TOX: variants seen among roughly 807,000 people sequenced by gnomAD.
TOX encodes thymocyte selection associated high mobility group box.
Under a neutral mutation model 53.7 loss-of-function variants are expected in TOX, and 11 were observed. That is an observed-to-expected ratio of 0.20 (90% CI 0.13 to 0.34). TOX has a LOEUF of 0.34. TOX is among the 10% of genes least tolerant of loss of function. TOX has a pLI of 1.00. For missense variants in TOX, 570 were observed against 664.6 expected, an observed-to-expected ratio of 0.86 and a Z score of 1.56; for synonymous variants, 225 against 245.3, an observed-to-expected ratio of 0.92 and a Z score of 0.77.
intron 3 of TOX, among the ~76,000 whole-genome samples, chr8:58,890,394 T>C (rs1811542487): frequency 6.6e-6 from 1 of 152,160 alleles, no homozygotes; most frequent in Non-Finnish European, 1.5e-5. Context: ...AGTAGAATGT[T>C]AGAAAGCAGA....
At chr8:58,940,751 T>C (rs902584286) in intron 2 of TOX, among the ~76,000 whole-genome samples, 15 of 152,188 alleles carry the variant, frequency 9.9e-5, no homozygotes, top group Admixed American at 6.5e-4. Flanking sequence ...TCATATGGTG[T>C]CCAGCCAATA....
In TOX at chr8:58,887,409, C is replaced by T. The variant is rs574675152; in HGVS notation, c.412-35604G>A. On this transcript the variant is annotated intron_variant, in intron 3 of 8. Transcript: ENST00000361421. The stretch of plus-strand genomic sequence containing the variant: ...TATTTGCTGAAATTCTCCTCTAAAG[C>T]CATTTATACATGCTGCTGTTTTTAT... 2.1e-3 allele frequency among the ~76,000 whole-genome samples: 320 copies of T among 151,968 alleles called. 3 individuals carry two copies. The highest frequency in any genetic ancestry group is 3.7e-3 in the Non-Finnish European group (253 of 67,872).
chr8:58,940,629 G>T (rs918317664), intron 2 of TOX, among the ~76,000 whole-genome samples: 9 of 152,282 alleles, frequency 5.9e-5, no homozygotes, highest in African/African-American at 9.6e-5. Context: ...CATAGTGTTT[G>T]GGTGTATGGG....
chr8:58,964,309 T>C (rs965537469), intron 1 of TOX, among the ~76,000 whole-genome samples: 1 of 152,176 alleles, frequency 6.6e-6, no homozygotes, highest in African/African-American at 2.4e-5. Context: ...CGTATGTGTA[T>C]CAGAATAGGC....
intron 2 of TOX, among the ~76,000 whole-genome samples, chr8:58,951,172 A>C (rs959731417): frequency 1.3e-5 from 2 of 152,196 alleles, no homozygotes; most frequent in Non-Finnish European, 2.9e-5. Context: ...TAGACCTTCC[A>C]AGGTCAGAAT....
intron 1 of TOX, among the ~76,000 whole-genome samples, chr8:59,020,293 C>T (rs1235065820): frequency 2.0e-5 from 3 of 152,154 alleles, no homozygotes; most frequent in Non-Finnish European, 4.4e-5. Context: ...TGGTACAACC[C>T]CATCTTCCAA....
chr8:59,115,345 T>C lies in TOX; in HGVS notation c.102+3541A>G, dbSNP rs557883905. Among the ~76,000 whole-genome samples, 3 of 152,316 alleles carry C rather than the reference T, an allele frequency of 2.0e-5. No individual in the cohort carries two copies. The South Asian group carries it at 6.2e-4, about 32-fold the overall frequency. Reference sequence around the variant, plus strand: ...GAAAAAGTACCACTTCTTTGTCCTATCTTAGCATAAAACCAGTGAAAACAA... The same window carrying C: ...GAAAAAGTACCACTTCTTTGTCCTACCTTAGCATAAAACCAGTGAAAACAA... On this transcript the variant is annotated intron_variant, in intron 1 of 8. Transcript: ENST00000361421.
At chr8:59,072,945 T>C (rs1445761241) in intron 1 of TOX, among the ~76,000 whole-genome samples, 1 of 152,220 alleles carries the variant, frequency 6.6e-6, no homozygotes, top group Non-Finnish European at 1.5e-5. Context: ...TAACACTTGC[T>C]AAATGTAATG....
chr8:58,995,373 C>T (rs1393522915), intron 1 of TOX, among the ~76,000 whole-genome samples: 4 of 152,170 alleles, frequency 2.6e-5, no homozygotes, highest in African/African-American at 9.7e-5. Flanking sequence ...GCTTAGGAAT[C>T]CCAAATTTCT....
At position 58,960,720 on chromosome 8, in the gene TOX, G is replaced by C. The variant is rs534276034; in HGVS notation, c.103-712C>G. On this transcript the variant is annotated intron_variant, in intron 1 of 8. Transcript: ENST00000361421. ...GGATGAAAGAAAGAAATTCGCAGGG[G>C]CAGCACAATTGGAGAACTCTCAAAT... Among the ~76,000 whole-genome samples the C allele has an allele frequency of 1.8e-4, 28 of 152,128 alleles. 1 individual carries two copies. The highest frequency in any genetic ancestry group is 1.6e-3 in the Admixed American group (24 of 15,274).
chr8:59,110,314 A>G (rs1009135983), intron 1 of TOX, among the ~76,000 whole-genome samples: 8 of 152,120 alleles, frequency 5.3e-5, no homozygotes, highest in African/African-American at 1.9e-4. Context: ...TATTATTAAC[A>G]TTTCTCTTAA....
intron 2 of TOX, among the ~76,000 whole-genome samples, chr8:58,958,901 A>T (rs1812752806): frequency 6.6e-6 from 1 of 152,226 alleles, no homozygotes; most frequent in African/African-American, 2.4e-5. Context: ...CACAGAGTGC[A>T]TCCTTAACAT....
At chr8:58,999,645 A>G (rs1426641938) in intron 1 of TOX, among the ~76,000 whole-genome samples, 2 of 152,344 alleles carry the variant, frequency 1.3e-5, no homozygotes, top group South Asian at 4.1e-4. Context: ...AGATCCTTTC[A>G]TGAGTTGCTA....
chr8:59,044,931 T>C (rs1437272936), intron 1 of TOX, among the ~76,000 whole-genome samples: 3 of 152,264 alleles, frequency 2.0e-5, no homozygotes, highest in African/African-American at 7.2e-5. Context: ...CAAAAATTCA[T>C]TTTGAATTGA....
rs373783677 is a variant in TOX at position 58,890,683 on chromosome 8, C to T, written c.412-38878G>A. ...GCATAGATAACGTTAGGAGGAGATA[C>T]TTGGTGTAGTGAAGAAATTATTAAA... is the stretch of plus-strand genomic sequence containing the variant. On this transcript the variant is annotated intron_variant, in intron 3 of 8. Coordinates refer to ENST00000361421, the MANE Select transcript of TOX (RefSeq NM_014729.3). Among the ~76,000 whole-genome samples the T allele has an allele frequency of 6.6e-5, 10 of 152,212 alleles. No homozygotes were observed. In the South Asian group the frequency reaches 2.1e-3, roughly 32 times the overall value.
At chr8:58,925,296 C>G (rs1337339244) in intron 3 of TOX, among the ~76,000 whole-genome samples, 1 of 152,150 alleles carries the variant, frequency 6.6e-6, no homozygotes, top group Non-Finnish European at 1.5e-5. Context: ...TTTATGAAAA[C>G]TCACATGAGA....
At chr8:58,868,796 C>G (rs1306825642) in intron 3 of TOX, among the ~76,000 whole-genome samples, 1 of 148,656 alleles carries the variant, frequency 6.7e-6, no homozygotes, top group East Asian at 2.0e-4. Flanking sequence ...AAGCCTAAAC[C>G]AAACAGAAGA....
chr8:59,053,690 G>A (rs1354969419), intron 1 of TOX, among the ~76,000 whole-genome samples: 1 of 152,176 alleles, frequency 6.6e-6, no homozygotes, highest in Non-Finnish European at 1.5e-5. Flanking sequence ...CAATGTGTAA[G>A]TGGTATTGTG....
chr8:59,108,655 AACAC>A (rs3084429), intron 1 of TOX, among the ~76,000 whole-genome samples: 25,274 of 147,376 alleles, frequency 0.17, 2,620 homozygotes, highest in East Asian at 0.37. Context: ...TCATAAAGGA[AACAC>A]ACACACACAC....
Sources: gnomAD v4.1 joint callset for allele counts (sites outside exome capture counted in the v4.1 genomes callset) on GRCh38, gnomAD v4.1.1 for gene constraint, MANE v1.5 for transcripts, NCBI Gene and HGNC (gene_info 2026-07-23, HGNC 2026-07-21) for gene names.